DDX24: variants seen among roughly 807,000 people sequenced by gnomAD.
The protein encoded by DDX24 is ATP-dependent RNA helicase DDX24.
Under a neutral mutation model 68.9 loss-of-function variants are expected in DDX24, and 24 were observed. That is an observed-to-expected ratio of 0.35 (90% CI 0.25 to 0.49). DDX24 has a LOEUF of 0.49. Ranked by LOEUF, DDX24 falls within the 20% of genes least tolerant of loss-of-function variation. The pLI, the probability that DDX24 is intolerant of heterozygous loss-of-function variation, is 0.99. For synonymous variants in DDX24, 395 were observed against 385.2 expected, an observed-to-expected ratio of 1.03 and a Z score of -0.30; for missense variants, 989 against 1,039.0, an observed-to-expected ratio of 0.95 and a Z score of 0.66.
chr14:94,081,024 C>G (rs1886078127), intron 1 of DDX24, 95 bp downstream of exon 1: 1 of 152,268 alleles, frequency 6.6e-6, no homozygotes, highest in African/African-American at 2.4e-5. Flanking sequence ...GACCCGGGAA[C>G]CCACCGGCCC....
intron 4 of DDX24, 23 bp downstream of exon 4, chr14:94,060,890 A>AAAAGAGAAGTGCCATCT (rs756940131): frequency 6.2e-7 from 1 of 1,612,532 alleles, no homozygotes; most frequent in Non-Finnish European, 8.5e-7. Flanking sequence ...AGTGAGGGGG[A>AAAAGAGAAGTGCCATCT]AAAGAGAAGT....
chr14:94,070,391 C>G (rs149352941), intron 2 of DDX24, among the ~76,000 whole-genome samples: 2 of 152,116 alleles, frequency 1.3e-5, no homozygotes, highest in South Asian at 2.1e-4. Flanking sequence ...ACACATCCCA[C>G]GCTCATGGAT....
intron 8 of DDX24, 90 bp from the exon 9 acceptor site, chr14:94,051,552 T>G: frequency 6.8e-7 from 1 of 1,472,626 alleles, no homozygotes; most frequent in East Asian, 2.4e-5. Flanking sequence ...AAAAATGTTT[T>G]AGAACTACTT....
intron 2 of DDX24, among the ~76,000 whole-genome samples, chr14:94,062,872 G>T (rs1363264480): frequency 6.6e-6 from 1 of 152,156 alleles, no homozygotes; most frequent in Non-Finnish European, 1.5e-5. Context: ...AAATGTCCAA[G>T]AAATGAAACA....
In DDX24 at chr14:94,062,531, G is replaced by C. The variant is rs183380698; in HGVS notation, c.809C>G (p.Thr270Ser). Residue 270 changes from threonine (T) to serine (S), a missense_variant, in exon 3 of 9, where the codon ACC (threonine) becomes AGC (serine). This residue lies in a region of DDX24 where 691 missense variants were observed against 760.0 expected (regional missense o/e 0.91). Coordinates refer to ENST00000621632, the MANE Select transcript of DDX24 (RefSeq NM_020414.4). ...KRNAAPPPSN[T>S]EAPPGETRTE... ...TCTGGTCTCTCCAGGTGGTGCTTCG[G>C]TGTTACTTGGAGGAGGGGCAGCATT... 3.1e-6 allele frequency: 5 copies of C among 1,614,178 alleles called. No individual in the cohort carries two copies. The African/African-American group carries it at 5.3e-5, about 17-fold the overall frequency.
Position 94,051,306 on chromosome 14 carries a change from G to A in DDX24, c.2465C>T (p.Ala822Val). ...QSGKPPLLVS[A>V]PSKSESALSC... ...CAAAGCAGACTCGCTCTTACTTGGG[G>A]CAGACACAAGCAGGGGCGGCTTGCC... Residue 822 changes from alanine (A) to valine (V), a missense_variant, in exon 9 of 9, where the codon GCC becomes GTC. Around this residue, in one of 3 missense-constraint regions of DDX24, gnomAD observed 691 missense variants for 760.0 expected, o/e 0.91. Transcript: ENST00000621632. 6.2e-7 allele frequency: 1 copy of A among 1,613,068 alleles called. No individual in the cohort carries two copies. Among genetic ancestry groups the A allele is most frequent in the South Asian group, 1.1e-5 (1 of 90,914 alleles).
At chr14:94,070,710 C>CTT (rs1212959074) in intron 2 of DDX24, among the ~76,000 whole-genome samples, 1 of 152,160 alleles carries the variant, frequency 6.6e-6, no homozygotes, top group Non-Finnish European at 1.5e-5. Context: ...AACCCAAATA[C>CTT]TTACAGCCAA....
rs1567057451 is a variant in DDX24, at chr14:94,055,192, A to G, written c.1990-8T>C. 1 of 1,610,964 alleles carries G rather than the reference A, an allele frequency of 6.2e-7. No homozygotes were observed. The highest frequency in any genetic ancestry group is 1.1e-5 in the South Asian group (1 of 90,816). ...CTCCGAGGTACGTGGGACCTGCCAC[A>G]GGAAGAACTGGGAGATCAATACATG... is the stretch of plus-strand genomic sequence containing the variant. On this transcript the variant is annotated splice_polypyrimidine_tract_variant and splice_region_variant and intron_variant, in intron 6 of 8. Transcript: ENST00000621632.
chr14:94,058,135 T>C (rs1885524316), intron 5 of DDX24, among the ~76,000 whole-genome samples: 2 of 152,048 alleles, frequency 1.3e-5, no homozygotes, highest in Admixed American at 1.3e-4. Flanking sequence ...CCAACCAACA[T>C]GCCATACTCT....
intron 1 of DDX24, among the ~76,000 whole-genome samples, chr14:94,080,425 A>G (rs1886047330): frequency 6.6e-6 from 1 of 152,178 alleles, no homozygotes; most frequent in Non-Finnish European, 1.5e-5. Context: ...AAGGCCAAGA[A>G]AGATAACAGA....
chr14:94,080,209 C>T (rs192661908), intron 1 of DDX24, among the ~76,000 whole-genome samples: 53 of 152,260 alleles, frequency 3.5e-4, no homozygotes, highest in Middle Eastern at 3.4e-3. Context: ...CTTGTGGGGG[C>T]AGGAGGGGTG....
At chr14:94,075,020 A>C (rs1401275998) in intron 2 of DDX24, among the ~76,000 whole-genome samples, 1 of 152,234 alleles carries the variant, frequency 6.6e-6, no homozygotes, top group East Asian at 1.9e-4. Flanking sequence ...AGATCTAAAG[A>C]AATGGAGAGA....
chr14:94,055,811 A>G (rs1261765246), intron 6 of DDX24: 4 of 152,322 alleles, frequency 2.6e-5, no homozygotes, highest in Non-Finnish European at 5.9e-5. Flanking sequence ...CTCAGCAACT[A>G]TTCCTTTCCC....
intron 7 of DDX24, among the ~76,000 whole-genome samples, chr14:94,053,643 C>T (rs955995099): frequency 1.3e-5 from 2 of 151,796 alleles, no homozygotes; most frequent in Non-Finnish European, 2.9e-5. Context: ...GGAGAAACCC[C>T]GTCTCTACTA....
chr14:94,060,228 T>G lies in DDX24; in HGVS notation c.1783A>C (p.Asn595His). ...QYPGRSLVFA[N>H]SISCIKRLSG... is the part of the protein sequence containing the mutation. ...AGGCGTTTGATGCAGGAGATACTGT[T>G]GGCAAACACTAAGCTGCGGCCTGGA... Residue 595 changes from asparagine (N) to histidine (H), a missense_variant, in exon 5 of 9, where the codon AAC becomes CAC. Asn to His is a moderately conservative substitution (Grantham distance 68). This residue lies in a region of DDX24 where 691 missense variants were observed against 760.0 expected (regional missense o/e 0.91). Coordinates refer to ENST00000621632, the MANE Select transcript of DDX24 (RefSeq NM_020414.4). The G allele has an allele frequency of 1.2e-6, 2 of 1,614,178 alleles. No individual in the cohort carries two copies. Among genetic ancestry groups the G allele is most frequent in the Non-Finnish European group, 1.7e-6 (2 of 1,180,022 alleles).
chr14:94,062,686 C>G (rs1308008864), intron 2 of DDX24, 65 bp from the exon 3 acceptor site: 2 of 1,525,734 alleles, frequency 1.3e-6, no homozygotes, highest in Non-Finnish European at 1.8e-6. Context: ...ATACTTTAGT[C>G]TGGAATTCAT....
intron 2 of DDX24, among the ~76,000 whole-genome samples, chr14:94,078,194 A>G (rs188332625): frequency 6.6e-6 from 1 of 152,362 alleles, no homozygotes; most frequent in African/African-American, 2.4e-5. Flanking sequence ...TATATAGGTT[A>G]TATGTAAGCA....
At chr14:94,066,493 T>A (rs938892203) in intron 2 of DDX24, among the ~76,000 whole-genome samples, 2 of 152,212 alleles carry the variant, frequency 1.3e-5, no homozygotes, top group African/African-American at 4.8e-5. Flanking sequence ...TAGCTGATGC[T>A]TTCTGGAAAG....
In DDX24 at chr14:94,062,209, G is replaced by C; in HGVS notation, c.1131C>G (p.Ser377Arg). 6.2e-7 allele frequency: 1 copy of C among 1,614,106 alleles called. No individual in the cohort carries two copies. Among genetic ancestry groups the C allele is most frequent in the Non-Finnish European group, 8.5e-7 (1 of 1,180,010 alleles). The part of the protein sequence containing the change: ...GNLKQELDDK[S>R]ATCKAYPKRP... ...GCTTTGGATATGCCTTACAGGTGGCGCTTTTGTCATCCAACTCCTGTTTTA... is the reference window on the plus strand; with the variant it reads ...GCTTTGGATATGCCTTACAGGTGGCCCTTTTGTCATCCAACTCCTGTTTTA... The change falls in exon 3 of 9, where the codon AGC becomes AGG. Residue 377 changes from serine to arginine, a missense_variant. Coordinates refer to ENST00000621632, the MANE Select transcript of DDX24 (RefSeq NM_020414.4).
Sources: allele counts gnomAD v4.1 joint callset (sites outside exome capture counted in the v4.1 genomes callset), GRCh38; gene constraint gnomAD v4.1.1; regional missense constraint gnomAD v4.1.1; transcripts MANE v1.5; gene names NCBI Gene and HGNC (gene_info 2026-07-23, HGNC 2026-07-21).